The following CADM1 variants were observed in gnomAD, a reference collection of about 807,000 sequenced individuals.
CADM1 encodes TSLC-1.
CADM1 carries 15 observed loss-of-function variants against 53.1 expected under a neutral mutation model. That is an observed-to-expected ratio of 0.28 (90% CI 0.19 to 0.44). CADM1 has a LOEUF of 0.44. CADM1 is among the 20% of genes least tolerant of loss of function. The pLI, the probability that CADM1 is intolerant of heterozygous loss-of-function variation, is 1.00. For synonymous variants in CADM1, 281 were observed against 243.0 expected (o/e 1.16, Z -1.45); for missense variants, 434 against 611.3 (o/e 0.71, Z 3.06).
chr11:115,452,843 T>C (rs1948604341), intron 1 of CADM1, among the ~76,000 whole-genome samples: 1 of 152,162 alleles, frequency 6.6e-6, no homozygotes, highest in African/African-American at 2.4e-5. Context: ...GTAAAATCTA[T>C]TATACTTTGG....
chr11:115,429,334 G>A (rs372308049), intron 1 of CADM1, among the ~76,000 whole-genome samples: 4 of 152,102 alleles, frequency 2.6e-5, no homozygotes, highest in Admixed American at 6.5e-5. Flanking sequence ...CTGGCTGGGC[G>A]CGGTGGCTCA....
intron 1 of CADM1, among the ~76,000 whole-genome samples, chr11:115,498,048 T>G (rs1483106779): frequency 6.6e-6 from 1 of 151,096 alleles, no homozygotes; most frequent in Non-Finnish European, 1.5e-5. Context: ...AACCAAAGAC[T>G]TTTTGAAATT....
intron 1 of CADM1, among the ~76,000 whole-genome samples, chr11:115,463,160 A>G (rs550019392): frequency 6.6e-6 from 1 of 152,258 alleles, no homozygotes; most frequent in African/African-American, 2.4e-5. Context: ...GGGACTCACC[A>G]ACCTCCTGAA....
At chr11:115,445,186 T>C (rs903006275) in intron 1 of CADM1, among the ~76,000 whole-genome samples, 1 of 152,098 alleles carries the variant, frequency 6.6e-6, no homozygotes, top group Non-Finnish European at 1.5e-5. Context: ...TCAGGCTGAT[T>C]TGGGTTTGAC....
chr11:115,494,730 C>A (rs562539732), intron 1 of CADM1, among the ~76,000 whole-genome samples: 18 of 152,058 alleles, frequency 1.2e-4, no homozygotes, highest in African/African-American at 1.7e-4. Flanking sequence ...TAACCCCCAC[C>A]ACTAGGTATT....
chr11:115,422,968 C>A (rs1402846392), intron 1 of CADM1, among the ~76,000 whole-genome samples: 1 of 150,144 alleles, frequency 6.7e-6, no homozygotes, highest in Admixed American at 6.7e-5. Flanking sequence ...TCTCCTACAA[C>A]AAAAAATGAA....
chr11:115,409,537 A>C (rs191377889), intron 1 of CADM1, among the ~76,000 whole-genome samples: 242 of 152,242 alleles, frequency 1.6e-3, no homozygotes, highest in African/African-American at 5.5e-3. Context: ...CAAGTGGCCC[A>C]CCAAGATAAA....
chr11:115,434,367 A>G (rs1266962159), intron 1 of CADM1, among the ~76,000 whole-genome samples: 2 of 152,202 alleles, frequency 1.3e-5, no homozygotes, highest in South Asian at 2.1e-4. Context: ...CAAAACAGTA[A>G]TACATATATA....
intron 1 of CADM1, among the ~76,000 whole-genome samples, chr11:115,349,877 T>C (rs1490627995): frequency 1.3e-5 from 2 of 152,174 alleles, no homozygotes; most frequent in Non-Finnish European, 2.9e-5. Context: ...GGGGAGGTAG[T>C]TCACAATAAA....
At chr11:115,232,601 G>C (rs981882328) in intron 3 of CADM1, among the ~76,000 whole-genome samples, 2 of 152,090 alleles carry the variant, frequency 1.3e-5, no homozygotes, top group African/African-American at 2.4e-5. Flanking sequence ...TAACGGATTG[G>C]GAAGTTAAAG....
chr11:115,194,299 C>A (rs1277718626), intron 9 of CADM1, among the ~76,000 whole-genome samples: 1 of 152,166 alleles, frequency 6.6e-6, no homozygotes, highest in African/African-American at 2.4e-5. Flanking sequence ...TTCCCCACAA[C>A]TGAATATAAA....
chr11:115,418,752 A>C (rs961586412), intron 1 of CADM1, among the ~76,000 whole-genome samples: 3 of 152,214 alleles, frequency 2.0e-5, no homozygotes, highest in Non-Finnish European at 4.4e-5. Flanking sequence ...GCCAAGAGTG[A>C]GGCCTTGACA....
chr11:115,471,438 G>T (rs1392298302), intron 1 of CADM1, among the ~76,000 whole-genome samples: 1 of 152,190 alleles, frequency 6.6e-6, no homozygotes, highest in Non-Finnish European at 1.5e-5. Flanking sequence ...GGAGATGCAG[G>T]TATTCAAAAT....
At chr11:115,190,594 A>G (rs1371577079) in intron 10 of CADM1, 1 of 358,080 alleles carries the variant, frequency 2.8e-6, no homozygotes, top group Non-Finnish European at 5.0e-6. Flanking sequence ...TATATCTAGG[A>G]CATAAACATT....
chr11:115,392,436 C>T (rs530354116), intron 1 of CADM1, among the ~76,000 whole-genome samples: 19 of 151,942 alleles, frequency 1.3e-4, no homozygotes, highest in African/African-American at 4.6e-4. Context: ...AGGCTTATTA[C>T]CTCTACTCTA....
chr11:115,458,406 G>A (rs890372581), intron 1 of CADM1, among the ~76,000 whole-genome samples: 1 of 151,776 alleles, frequency 6.6e-6, no homozygotes, highest in African/African-American at 2.4e-5. Context: ...ACTAGAATAG[G>A]GGTGAGAATT....
intron 1 of CADM1, among the ~76,000 whole-genome samples, chr11:115,275,548 A>G (rs1943421680): frequency 6.6e-6 from 1 of 152,230 alleles, no homozygotes; most frequent in African/African-American, 2.4e-5. Flanking sequence ...GTTCTTTGGT[A>G]GCATAGGGAC....
At chr11:115,351,612 C>T (rs1342601601) in intron 1 of CADM1, among the ~76,000 whole-genome samples, 2 of 152,300 alleles carry the variant, frequency 1.3e-5, no homozygotes, top group East Asian at 3.9e-4. Flanking sequence ...AAACAAAATA[C>T]AGAACTCTGG....
At chr11:115,413,387 T>C (rs1262350440) in intron 1 of CADM1, among the ~76,000 whole-genome samples, 1 of 152,172 alleles carries the variant, frequency 6.6e-6, no homozygotes, top group Non-Finnish European at 1.5e-5. Flanking sequence ...ATAATATTCA[T>C]AATAATTCTT....
Sources: gnomAD v4.1 joint callset for allele counts (sites outside exome capture counted in the v4.1 genomes callset) on GRCh38, gnomAD v4.1.1 for gene constraint, MANE v1.5 for transcripts, NCBI Gene and HGNC (gene_info 2026-07-23, HGNC 2026-07-21) for gene names.